The following HPS3 variants were observed in gnomAD, a reference collection of about 807,000 sequenced individuals.
The protein encoded by HPS3 is HPS3 biogenesis of lysosomal organelles complex 2 subunit 1, also known as BLOC-2 complex member HPS3.
In HPS3, 79 loss-of-function variants were observed where a neutral mutation model predicts 110.9. That is an observed-to-expected ratio of 0.71 (90% CI 0.59 to 0.86). The LOEUF is 0.86. HPS3 is among the 40% of genes least tolerant of loss of function. HPS3 has a pLI of 0.00. For missense variants in HPS3, 1,197 were observed against 1,206.2 expected (o/e 0.99, Z 0.11); for synonymous variants, 428 against 451.0 (o/e 0.95, Z 0.65).
At chr3:149,155,294 A>G in intron 8 of HPS3, 79 bp downstream of exon 8, 1 of 894,112 alleles carries the variant, frequency 1.1e-6, no homozygotes, top group Non-Finnish European at 1.9e-6. Flanking sequence ...TCTAATTATC[A>G]TACATTCAGG....
intron 1 of HPS3, among the ~76,000 whole-genome samples, chr3:149,132,763 C>T (rs988320716): frequency 2.0e-5 from 3 of 152,192 alleles, no homozygotes; most frequent in African/African-American, 7.2e-5. Context: ...TGAAAATCAT[C>T]TGGAAAGAAT....
intron 6 of HPS3, among the ~76,000 whole-genome samples, chr3:149,151,699 A>T (rs1723135587): frequency 6.6e-6 from 1 of 151,696 alleles, no homozygotes; most frequent in Non-Finnish European, 1.5e-5. Context: ...TCTCAGAAAT[A>T]CACTGATCAT....
Position 149,140,374 on chromosome 3 carries a change from A to AT in HPS3, c.589dup (p.Tyr197LeufsTer20). The AT allele has an allele frequency of 6.2e-7, 1 of 1,610,392 alleles. No individual in the cohort carries two copies. Among genetic ancestry groups the AT allele is most frequent in the Non-Finnish European group, 8.5e-7 (1 of 1,177,882 alleles). ...CTGTTGAGGTTTCTTTTTGTGTTGGATATGTTGCTGTCATGTCAGACTTAG... is the reference window on the plus strand; with the variant it reads ...CTGTTGAGGTTTCTTTTTGTGTTGGATTATGTTGCTGTCATGTCAGACTTAG... On this transcript the variant is annotated frameshift_variant, in exon 2 of 17. Transcript: ENST00000296051. LOFTEE classifies it high-confidence loss of function.
chr3:149,146,857 G>T (rs79801476), intron 5 of HPS3, among the ~76,000 whole-genome samples: 3,083 of 152,190 alleles, frequency 0.02, 114 homozygotes, highest in African/African-American at 0.07. Flanking sequence ...GAGAGCTCAA[G>T]GATTTGAAAA....
At chr3:149,145,712 A>G (rs1722749259) in intron 5 of HPS3, among the ~76,000 whole-genome samples, 166 bp downstream of exon 5, 1 of 152,186 alleles carries the variant, frequency 6.6e-6, no homozygotes, top group Non-Finnish European at 1.5e-5. Flanking sequence ...TGCCTTTTCA[A>G]TGTCAAAGAT....
chr3:149,172,127 C>G lies in HPS3; in HGVS notation c.2920C>G (p.Leu974Val). Reference sequence around the variant, plus strand: ...GTCAATTGTTGCTGTGGAACTAGAACTGAAGGATTTCATGAATGTTCTCCC... The same window carrying G: ...GTCAATTGTTGCTGTGGAACTAGAAGTGAAGGATTTCATGAATGTTCTCCC... ...TLSIVAVELE[L>V]KDFMNVLPED... The change falls in exon 17 of 17, where the codon CTG becomes GTG. Residue 974 changes from leucine to valine, a missense_variant. Physicochemically the swap from Leu to Val is conservative, Grantham distance 32 (BLOSUM62 1). Coordinates refer to ENST00000296051, the MANE Select transcript of HPS3 (RefSeq NM_032383.5). The G allele has an allele frequency of 1.2e-6, 2 of 1,612,942 alleles. No individual in the cohort carries two copies. The highest frequency in any genetic ancestry group is 1.7e-6 in the Non-Finnish European group (2 of 1,179,012).
chr3:149,157,679 T>A (rs1723541149), intron 9 of HPS3, 148 bp downstream of exon 9: 1 of 758,982 alleles, frequency 1.3e-6, no homozygotes, highest in East Asian at 2.7e-5. Context: ...GAGCACATAC[T>A]CTGTTAGGCA....
chr3:149,146,852 C>G (rs565600670), intron 5 of HPS3, among the ~76,000 whole-genome samples: 8 of 152,296 alleles, frequency 5.3e-5, no homozygotes, highest in African/African-American at 1.9e-4. Flanking sequence ...GAAAAGAGAG[C>G]TCAAGGATTT....
In HPS3 at chr3:149,163,969, T is replaced by A; in HGVS notation, c.2589+20T>A. 8.4e-7 allele frequency: 1 copy of A among 1,184,790 alleles called. No individual in the cohort carries two copies. Among genetic ancestry groups the A allele is most frequent in the African/African-American group, 1.5e-5 (1 of 67,268 alleles). 73.4% of individuals were successfully genotyped at this position (1,184,790 alleles called of 1,614,324 possible). On this transcript the variant is annotated intron_variant, in intron 14 of 16. Transcript: ENST00000296051. ...TTACAGGTAAGTAAAAATACCTCCT[T>A]TTCTTATGAAATTGCATATTACAAT...
chr3:149,135,948 G>T (rs1722066319), intron 1 of HPS3, among the ~76,000 whole-genome samples: 1 of 152,066 alleles, frequency 6.6e-6, no homozygotes, highest in Admixed American at 6.5e-5. Flanking sequence ...TTTCTGCCTT[G>T]TGATTCAATT....
intron 2 of HPS3, 22 bp downstream of exon 2, chr3:149,140,520 C>G: frequency 6.2e-7 from 1 of 1,613,568 alleles, no homozygotes; most frequent in Non-Finnish European, 8.5e-7. Context: ...ATTTGACTTG[C>G]TTTCTTGTTT....
intron 15 of HPS3, 111 bp from the exon 16 acceptor site, chr3:149,167,782 C>CA (rs567397509): frequency 1.2e-4 from 91 of 740,204 alleles, no homozygotes; most frequent in Non-Finnish European, 2.0e-4. Flanking sequence ...CTGCCTTAGA[C>CA]AAAATGATGT....
At chr3:149,142,010 C>T (rs1487685857) in intron 4 of HPS3, among the ~76,000 whole-genome samples, 1 of 151,882 alleles carries the variant, frequency 6.6e-6, no homozygotes, top group African/African-American at 2.4e-5. Context: ...CCCACCACGC[C>T]CAGCTAATTT....
chr3:149,162,174 G>A lies in HPS3; in HGVS notation c.2133G>A (p.Leu711=). The A allele has an allele frequency of 6.2e-7, 1 of 1,613,908 alleles. No individual in the cohort carries two copies. Reference sequence around the variant, plus strand: ...TGAAGTTGGTATGTGGCTTCATTCTGGAACCTCGGCTGTTGATTCAACAGA... The same window carrying A: ...TGAAGTTGGTATGTGGCTTCATTCTAGAACCTCGGCTGTTGATTCAACAGA... ...SEMKLVCGFI[L]EPRLLIQQRK... The change falls in exon 12 of 17, where the codon CTG becomes CTA. Residue 711 remains leucine (L), a synonymous_variant. Transcript: ENST00000296051.
Position 149,140,613 on chromosome 3 carries a change from G to A in HPS3, c.712+115G>A, listed in dbSNP as rs979601074. Reference sequence around the variant, plus strand: ...CCCGGCCATGTTATTTATAGATTTAGTTATTCCTATTTCATGGGATTTGGT... The same window carrying A: ...CCCGGCCATGTTATTTATAGATTTAATTATTCCTATTTCATGGGATTTGGT... On this transcript the variant is annotated intron_variant, in intron 2 of 16. Transcript: ENST00000296051. 8.0e-6 allele frequency: 9 copies of A among 1,128,210 alleles called. No individual in the cohort carries two copies. In the East Asian group the frequency reaches 1.0e-4, roughly 13 times the overall value. The allele number at this position is 1,128,210 out of a possible 1,614,324, so 69.9% of individuals were successfully genotyped here. A position where few individuals can be genotyped will look rare whatever the true frequency, so the allele number is the denominator to read the frequency against.
At chr3:149,170,302 T>G (rs1724847283) in intron 16 of HPS3, among the ~76,000 whole-genome samples, 1 of 152,184 alleles carries the variant, frequency 6.6e-6, no homozygotes, top group Non-Finnish European at 1.5e-5. Flanking sequence ...TCCAACTCAG[T>G]TTTTTTGTTT....
rs769060778 is a variant in HPS3, at chr3:149,153,624, G to C, written c.1376G>C (p.Arg459Thr). 6 of 1,614,224 alleles carry C rather than the reference G, an allele frequency of 3.7e-6. No homozygotes were observed. The highest frequency in any genetic ancestry group is 5.1e-6 in the Non-Finnish European group (6 of 1,180,030). Residue 459 changes from arginine (R) to threonine (T), a missense_variant, in exon 7 of 17, where the codon AGA (arginine) becomes ACA (threonine). Physicochemically the swap from Arg to Thr is moderately conservative, Grantham distance 71 (BLOSUM62 -1). Coordinates refer to ENST00000296051, the MANE Select transcript of HPS3 (RefSeq NM_032383.5). ...GCAGAACCTGAAGCCATTCCAGAGA[G>C]AAGACAGTCACCCAAGAGGCTTCTG... The part of the protein sequence containing the change: ...TKAEPEAIPE[R>T]RQSPKRLLSR...
Position 149,162,888 on chromosome 3 carries a change from T to A in HPS3, c.2481+10T>A. 1 of 1,606,744 alleles carries A rather than the reference T, an allele frequency of 6.2e-7. No homozygotes were observed. The highest frequency in any genetic ancestry group is 1.7e-5 in the Admixed American group (1 of 59,954). ...AACATCGGAGGATCTGGTAAGATAATGGAATAATACCTTAAATTTAACTCA... is the reference window on the plus strand; with the variant it reads ...AACATCGGAGGATCTGGTAAGATAAAGGAATAATACCTTAAATTTAACTCA... On this transcript the variant is annotated intron_variant, in intron 13 of 16. Coordinates refer to ENST00000296051, the MANE Select transcript of HPS3 (RefSeq NM_032383.5).
chr3:149,168,229 T>C (rs1214839940), intron 16 of HPS3: 5 of 450,704 alleles, frequency 1.1e-5, no homozygotes, highest in Non-Finnish European at 2.0e-5. Flanking sequence ...ATCACAGTCA[T>C]AGAAAATGAC....
Sources: gnomAD v4.1 joint callset for allele counts (sites outside exome capture counted in the v4.1 genomes callset) on GRCh38, gnomAD v4.1.1 for gene constraint, MANE v1.5 for transcripts, NCBI Gene and HGNC (gene_info 2026-07-23, HGNC 2026-07-21) for gene names.